Variants in TIAM1 observed in about 807,000 individuals in gnomAD.
The protein encoded by TIAM1 is TIAM Rac1 associated GEF 1, also known as rho guanine nucleotide exchange factor TIAM1.
Under a neutral mutation model 163.5 loss-of-function variants are expected in TIAM1, and 65 were observed. The ratio of observed to expected loss-of-function variants is 0.40; its 90% confidence interval spans 0.33 to 0.49. The LOEUF is 0.49. Ranked by LOEUF, TIAM1 falls within the 20% of genes least tolerant of loss-of-function variation. The pLI is 0.77. For synonymous variants in TIAM1, 833 were observed against 810.1 expected, an observed-to-expected ratio of 1.03 and a Z score of -0.48; for missense variants, 1,789 against 2,044.7, an observed-to-expected ratio of 0.87 and a Z score of 2.41.
chr21:31,348,369 C>T (rs184428344), upstream of TIAM1, among the ~76,000 whole-genome samples: 52 of 152,344 alleles, frequency 3.4e-4, no homozygotes, highest in Non-Finnish European at 6.9e-4. Context: ...TCACCTATGT[C>T]ACCTAGCAAC....
chr21:31,449,404 A>G (rs1431430673), intron 2 of TIAM1, among the ~76,000 whole-genome samples: 1 of 151,998 alleles, frequency 6.6e-6, no homozygotes, highest in East Asian at 1.9e-4. Context: ...TTTGAGACAG[A>G]GTCTTGCTCT....
intron 10 of TIAM1, chr21:31,212,795 A>G: frequency 6.7e-6 from 1 of 149,832 alleles, no homozygotes; most frequent in Non-Finnish European, 1.5e-5. Context: ...TTTTTAGTAG[A>G]GACGGGGTTT....
rs894579121 is a variant in TIAM1, at chr21:31,398,123, G to A, written c.-368-58701C>T. Among the ~76,000 whole-genome samples the A allele has an allele frequency of 5.5e-5, 7 of 128,294 alleles. No homozygotes were observed. In the South Asian group the frequency reaches 1.0e-3, roughly 19 times the overall value. The allele number at this position is 128,294 out of a possible 152,430, so 84.2% of individuals were successfully genotyped here. A position where few individuals can be genotyped will look rare whatever the true frequency, so the allele number is the denominator to read the frequency against. On this transcript the variant is annotated intron_variant, in intron 2 of 28. Coordinates refer to the TIAM1 transcript ENST00000286827. ...AATGGGACCCAGGGGCACAGGAAGT[G>A]CCTAATCTCTGCAAGCAAATGTCAA...
intron 2 of TIAM1, among the ~76,000 whole-genome samples, chr21:31,317,674 G>A (rs1323963346): frequency 6.6e-6 from 1 of 152,122 alleles, no homozygotes; most frequent in African/African-American, 2.4e-5. Context: ...CAGCTACTTG[G>A]GAAGCTGAGG....
At chr21:31,409,593 C>T (rs1236469249) in intron 2 of TIAM1, among the ~76,000 whole-genome samples, 1 of 152,192 alleles carries the variant, frequency 6.6e-6, no homozygotes, top group African/African-American at 2.4e-5. Flanking sequence ...GCTCCACACA[C>T]CAGCATCACC....
intron 2 of TIAM1, among the ~76,000 whole-genome samples, chr21:31,304,933 T>C (rs1010219034): frequency 1.2e-4 from 18 of 152,236 alleles, no homozygotes; most frequent in African/African-American, 3.9e-4. Context: ...CCTCAAAAGA[T>C]CCACCCGCCT....
At chr21:31,204,897 G>A (rs959531587) in intron 11 of TIAM1, among the ~76,000 whole-genome samples, 4 of 152,188 alleles carry the variant, frequency 2.6e-5, no homozygotes, top group Admixed American at 6.5e-5. Flanking sequence ...TGAGTAATAT[G>A]ATAGTTTGCA....
chr21:31,399,585 A>G (rs1344430017), intron 2 of TIAM1, among the ~76,000 whole-genome samples: 1 of 152,206 alleles, frequency 6.6e-6, no homozygotes, highest in Non-Finnish European at 1.5e-5. Flanking sequence ...GCAAAATGTG[A>G]ACATTTCTAA....
chr21:31,475,052 ATTATTATTAT>A (rs148506495), intron 1 of TIAM1, among the ~76,000 whole-genome samples: 3,992 of 58,698 alleles, frequency 0.068, 136 homozygotes, highest in African/African-American at 0.16. Flanking sequence ...TATTATTATT[ATTATTATTAT>A]TTAGTTTTAG....
At chr21:31,386,869 A>C (rs1228664493) in intron 2 of TIAM1, among the ~76,000 whole-genome samples, 1 of 152,240 alleles carries the variant, frequency 6.6e-6, no homozygotes, top group Non-Finnish European at 1.5e-5. Context: ...GACAGCCGGA[A>C]TGGATGCTGG....
intron 11 of TIAM1, among the ~76,000 whole-genome samples, chr21:31,208,239 T>C (rs1187667622): frequency 1.3e-5 from 2 of 152,196 alleles, no homozygotes; most frequent in African/African-American, 4.8e-5. Flanking sequence ...CAATCAATGG[T>C]AATCGGAAAA....
chr21:31,182,694 C>G lies in TIAM1; in HGVS notation c.2663-49G>C, dbSNP rs564304525. 8 of 1,564,848 alleles carry G rather than the reference C, an allele frequency of 5.1e-6. No individual in the cohort carries two copies. In the African/African-American group the frequency reaches 1.1e-4, roughly 21 times the overall value. ...TTTAATTTCACACACATTATCAGAA[C>G]ACAACAGCTTAGGAGCTCTGCTATA... is the stretch of plus-strand genomic sequence containing the variant. On this transcript the variant is annotated intron_variant, in intron 14 of 27. Coordinates refer to ENST00000541036, the MANE Select transcript of TIAM1 (RefSeq NM_001353694.2).
intron 2 of TIAM1, among the ~76,000 whole-genome samples, chr21:31,330,765 A>G (rs1373012177): frequency 2.6e-5 from 4 of 152,324 alleles, no homozygotes; most frequent in South Asian, 4.1e-4. Context: ...AATGCAAAGA[A>G]TGACCTTAGT....
chr21:31,130,743 G>A (rs2082385608), intron 24 of TIAM1, 147 bp downstream of exon 24: 2 of 709,148 alleles, frequency 2.8e-6, no homozygotes, highest in African/African-American at 1.8e-5. Flanking sequence ...GGCAGGATGA[G>A]TGATCTCAAG....
intron 2 of TIAM1, among the ~76,000 whole-genome samples, chr21:31,359,340 A>C (rs1455207604): frequency 1.3e-5 from 2 of 152,210 alleles, no homozygotes; most frequent in African/African-American, 4.8e-5. Flanking sequence ...AAGTATCCCA[A>C]GTACCTAGGA....
intron 2 of TIAM1, among the ~76,000 whole-genome samples, chr21:31,284,644 G>A (rs7278968): frequency 0.026 from 4,015 of 151,966 alleles, 61 homozygotes; most frequent in South Asian, 0.04. Flanking sequence ...TCAACCTCCC[G>A]AGTAGCTGGG....
rs1699339389 is a variant in TIAM1, at chr21:31,396,081, TTA to T, written c.-368-56661_-368-56660del. Among the ~76,000 whole-genome samples the T allele has an allele frequency of 2.0e-5, 3 of 152,306 alleles. No homozygotes were observed. In the South Asian group the frequency reaches 6.2e-4, roughly 32 times the overall value. On this transcript the variant is annotated intron_variant, in intron 2 of 28. Coordinates refer to the TIAM1 transcript ENST00000286827. The stretch of plus-strand genomic sequence containing the variant: ...TATAATTACAGCTAGCAGTTAATTA[TTA>T]TATGATGGGAATTGTAATCAAAGTA...
intron 1 of TIAM1, among the ~76,000 whole-genome samples, chr21:31,555,214 T>C (rs906957103): frequency 6.6e-6 from 1 of 150,400 alleles, no homozygotes; most frequent in Non-Finnish European, 1.5e-5. Context: ...ACAGGAGTTA[T>C]AGCTTATATA....
At chr21:31,425,132 A>G in intron 2 of TIAM1, among the ~76,000 whole-genome samples, 1 of 152,156 alleles carries the variant, frequency 6.6e-6, no homozygotes, top group Non-Finnish European at 1.5e-5. Flanking sequence ...TTAAAAATAA[A>G]CAATTTTTTT....
Sources: gnomAD v4.1 joint callset for allele counts (sites outside exome capture counted in the v4.1 genomes callset) on GRCh38, gnomAD v4.1.1 for gene constraint, MANE v1.5 for transcripts, NCBI Gene and HGNC (gene_info 2026-07-23, HGNC 2026-07-21) for gene names.